NAPB: variants seen among roughly 807,000 people sequenced by gnomAD.
NAPB encodes NSF attachment protein beta.
Under a neutral mutation model 44.7 loss-of-function variants are expected in NAPB, and 26 were observed. The ratio of observed to expected loss-of-function variants is 0.58; its 90% CI spans 0.43 to 0.81. The LOEUF is 0.81. NAPB is among the 30% of genes least tolerant of loss of function. The pLI, the probability that NAPB is intolerant of heterozygous loss-of-function variation, is 0.00. For missense variants in NAPB, 315 were observed against 356.4 expected (o/e 0.88, Z 0.94); for synonymous variants, 120 against 116.8 (o/e 1.03, Z -0.18).
intron 1 of NAPB, among the ~76,000 whole-genome samples, chr20:23,417,852 T>TA (rs1351401218): frequency 8.5e-5 from 13 of 152,048 alleles, no homozygotes; most frequent in Non-Finnish European, 1.8e-4. Flanking sequence ...ATCAAGCAGA[T>TA]AAGGCAGAGG....
intron 7 of NAPB, among the ~76,000 whole-genome samples, chr20:23,388,141 G>A (rs1172640797): frequency 6.6e-6 from 1 of 152,098 alleles, no homozygotes; most frequent in Non-Finnish European, 1.5e-5. Context: ...TTGGACTGGA[G>A]CTATACCATT....
intron 1 of NAPB, among the ~76,000 whole-genome samples, chr20:23,405,801 A>G (rs1335357143): frequency 6.6e-6 from 1 of 152,236 alleles, no homozygotes; most frequent in African/African-American, 2.4e-5. Context: ...TGTGGTATAC[A>G]CATACAATGG....
intron 2 of NAPB, among the ~76,000 whole-genome samples, chr20:23,400,336 G>C (rs1004429587): frequency 2.0e-5 from 3 of 152,168 alleles, no homozygotes; most frequent in Non-Finnish European, 4.4e-5. Context: ...GGCCAACATG[G>C]AGAAACCCCA....
intron 3 of NAPB, chr20:23,396,596 A>G (rs1447393763): frequency 2.0e-5 from 3 of 152,198 alleles, no homozygotes; most frequent in African/African-American, 7.2e-5. Flanking sequence ...ACTTTGAAAA[A>G]CTTTTTAAAA....
intron 5 of NAPB, among the ~76,000 whole-genome samples, chr20:23,392,817 C>G (rs1025545024): frequency 1.3e-5 from 2 of 151,856 alleles, no homozygotes; most frequent in African/African-American, 4.8e-5. Context: ...GCCACTGTAC[C>G]TGGCCTTTTT....
intron 5 of NAPB, among the ~76,000 whole-genome samples, chr20:23,392,809 C>T (rs1269778785): frequency 6.6e-6 from 1 of 151,914 alleles, no homozygotes; most frequent in African/African-American, 2.4e-5. Context: ...AGGCATCAGC[C>T]ACTGTACCTG....
At chr20:23,393,992 G>A (rs928880156) in intron 5 of NAPB, among the ~76,000 whole-genome samples, 1 of 152,172 alleles carries the variant, frequency 6.6e-6, no homozygotes, top group African/African-American at 2.4e-5. Context: ...TGCAAGAGGA[G>A]GAGAATAACA....
intron 1 of NAPB, among the ~76,000 whole-genome samples, chr20:23,409,678 A>T (rs1985514724): frequency 6.6e-6 from 1 of 152,176 alleles, no homozygotes; most frequent in Non-Finnish European, 1.5e-5. Context: ...TGTGATTCCC[A>T]AAAAATCATG....
At chr20:23,411,235 A>T (rs1188897451) in intron 1 of NAPB, among the ~76,000 whole-genome samples, 1 of 152,242 alleles carries the variant, frequency 6.6e-6, no homozygotes, top group Non-Finnish European at 1.5e-5. Context: ...CTGACCCAGA[A>T]TAGTCTACTG....
At chr20:23,390,359 C>T in intron 5 of NAPB, 95 bp from the exon 6 acceptor site, 2 of 1,024,374 alleles carry the variant, frequency 2.0e-6, no homozygotes, top group South Asian at 1.4e-5. Context: ...AATAAACCTA[C>T]TCTACCAGCA....
chr20:23,379,968 CT>C, intron 8 of NAPB, 33 bp from the exon 9 acceptor site: 1 of 1,569,314 alleles, frequency 6.4e-7, no homozygotes, highest in Non-Finnish European at 8.8e-7. Context: ...CAATTTCAGA[CT>C]TACTAAACAA....
chr20:23,417,650 T>C (rs1986100531), intron 1 of NAPB, among the ~76,000 whole-genome samples: 1 of 152,184 alleles, frequency 6.6e-6, no homozygotes, highest in African/African-American at 2.4e-5. Flanking sequence ...GTAGTTTTAC[T>C]AAACGTACTA....
intron 3 of NAPB, chr20:23,396,845 A>G (rs1023111213): frequency 3.1e-6 from 1 of 318,682 alleles, no homozygotes; most frequent in Non-Finnish European, 5.6e-6. Flanking sequence ...ATGATGCTAT[A>G]AAGTAAACAG....
intron 2 of NAPB, among the ~76,000 whole-genome samples, chr20:23,397,576 A>G (rs1984462612): frequency 6.7e-6 from 1 of 150,072 alleles, no homozygotes; most frequent in South Asian, 2.1e-4. Context: ...GAGCGCAAAG[A>G]TATTTGCTCA....
intron 2 of NAPB, among the ~76,000 whole-genome samples, chr20:23,401,665 G>C (rs1405733241): frequency 6.6e-6 from 1 of 152,194 alleles, no homozygotes; most frequent in Non-Finnish European, 1.5e-5. Context: ...TGGATCGCCT[G>C]AGCTCAGGAG....
intron 5 of NAPB, among the ~76,000 whole-genome samples, chr20:23,392,481 C>G (rs1200724537): frequency 6.6e-6 from 1 of 151,954 alleles, no homozygotes; most frequent in Non-Finnish European, 1.5e-5. Context: ...GCCTGGGCAA[C>G]ATGAAAAGAC....
intron 1 of NAPB, among the ~76,000 whole-genome samples, chr20:23,420,228 T>C (rs1176810258): frequency 6.6e-6 from 1 of 152,046 alleles, no homozygotes; most frequent in Non-Finnish European, 1.5e-5. Context: ...GAATTTAAAA[T>C]CCTCCTTAGG....
chr20:23,381,111 T>A, intron 8 of NAPB, 102 bp downstream of exon 8: 1 of 808,964 alleles, frequency 1.2e-6, no homozygotes, highest in Non-Finnish European at 2.1e-6. Flanking sequence ...ACCCGTTTAT[T>A]CTTGGTACTA....
chr20:23,405,580 T>C (rs1568617856), intron 1 of NAPB, among the ~76,000 whole-genome samples: 1 of 151,892 alleles, frequency 6.6e-6, no homozygotes, highest in East Asian at 1.9e-4. Flanking sequence ...AAAAATTAGC[T>C]GGGCATGGTG....
Sources: gnomAD v4.1 joint callset for allele counts (sites outside exome capture counted in the v4.1 genomes callset) on GRCh38, gnomAD v4.1.1 for gene constraint, MANE v1.5 for transcripts, NCBI Gene and HGNC (gene_info 2026-07-23, HGNC 2026-07-21) for gene names.